Variants in DNAH14 observed in about 807,000 individuals in gnomAD.
The protein encoded by DNAH14 is axonemal beta dynein heavy chain 14.
In DNAH14, 478 loss-of-function variants were observed where a neutral mutation model predicts 520.9. The ratio of observed to expected loss-of-function variants is 0.92; its 90% CI spans 0.85 to 0.99. The LOEUF is 0.99. DNAH14 is among the 50% of genes least tolerant of loss of function. DNAH14 has a pLI of 0.00. For synonymous variants in DNAH14, 1,581 were observed against 1,757.2 expected, an observed-to-expected ratio of 0.90 and a Z score of 2.51; for missense variants, 4,831 against 5,234.5, an observed-to-expected ratio of 0.92 and a Z score of 2.38.
intron 50 of DNAH14, 144 bp downstream of exon 50, chr1:225,271,010 T>A (rs1034881105): frequency 1.5e-5 from 14 of 939,972 alleles, no homozygotes; most frequent in African/African-American, 1.3e-4. Flanking sequence ...TGGCCTATTA[T>A]AATTTGGTTC....
chr1:225,019,167 A>G lies in DNAH14; in HGVS notation c.1108-4448A>G, dbSNP rs76863955. On this transcript the variant is annotated intron_variant, in intron 10 of 85. Transcript: ENST00000682510. ...CAAGACCCAACTGTCTGCTGTCTCT[A>G]AGAGACCCATCTCACAAGTAACAAC... 1.9e-3 allele frequency among the ~76,000 whole-genome samples: 297 copies of G among 152,314 alleles called. 2 individuals carry two copies. Among genetic ancestry groups the G allele is most frequent in the Admixed American group, 0.017 (260 of 15,302 alleles).
chr1:225,172,239 CAT>C (rs2082772977), intron 36 of DNAH14, among the ~76,000 whole-genome samples: 4 of 152,132 alleles, frequency 2.6e-5, no homozygotes. Context: ...TCCTATTCAA[CAT>C]AGTGTTGGCA....
rs1341853707 is a variant in DNAH14, at chr1:225,290,663, A to G, written c.8469+581A>G. ...TGTGTGTGTGTATATATATATATAT[A>G]TATATATATATATATATATATATAT... On this transcript the variant is annotated intron_variant, in intron 55 of 85. Coordinates refer to ENST00000682510, the MANE Select transcript of DNAH14 (RefSeq NM_001367479.1). 3.9e-3 allele frequency among the ~76,000 whole-genome samples: 422 copies of G among 107,084 alleles called. 19 individuals carry two copies. The highest frequency in any genetic ancestry group is 0.019 in the African/African-American group (395 of 21,340). 70.3% of individuals were successfully genotyped at this position (107,084 alleles called of 152,430 possible). A position where few individuals can be genotyped will look rare whatever the true frequency, so the allele number is the denominator to read the frequency against.
rs151011944 is a variant in DNAH14, at chr1:225,371,157, T to C, written c.12318+3125T>C. Among the ~76,000 whole-genome samples the C allele has an allele frequency of 2.1e-3, 327 of 152,308 alleles. 1 individual carries two copies. The highest frequency in any genetic ancestry group is 7.3e-3 in the African/African-American group (305 of 41,580). On this transcript the variant is annotated intron_variant, in intron 77 of 85. Coordinates refer to ENST00000682510, the MANE Select transcript of DNAH14 (RefSeq NM_001367479.1). The stretch of plus-strand genomic sequence containing the variant: ...CATAGTTTTAATATGAATACCTGAA[T>C]AATATACATAAGAACTGTAGATTAA...
chr1:225,042,580 G>A (rs912196910), intron 12 of DNAH14, among the ~76,000 whole-genome samples: 1 of 152,126 alleles, frequency 6.6e-6, no homozygotes, highest in South Asian at 2.1e-4. Context: ...TAGGCACTCA[G>A]TGACTAGGAC....
At chr1:225,108,633 A>G (rs2076270353) in intron 23 of DNAH14, among the ~76,000 whole-genome samples, 1 of 152,180 alleles carries the variant, frequency 6.6e-6, no homozygotes, top group South Asian at 2.1e-4. Context: ...TCAGATGGAT[A>G]GTTTAAAAGT....
intron 1 of DNAH14, among the ~76,000 whole-genome samples, chr1:224,945,777 T>A (rs2059773136): frequency 6.6e-6 from 1 of 152,298 alleles, no homozygotes; most frequent in African/African-American, 2.4e-5. Flanking sequence ...TTTGCCTGGG[T>A]ATCAGCAGCA....
At chr1:225,322,871 G>T in intron 62 of DNAH14, 48 bp downstream of exon 62, 1 of 1,443,628 alleles carries the variant, frequency 6.9e-7, no homozygotes, top group Non-Finnish European at 9.3e-7. Context: ...ACAGTCTGTG[G>T]GATCAAACAG....
At chr1:225,043,816 C>A (rs137952679) in intron 14 of DNAH14, 27 bp downstream of exon 14, 1 of 1,457,278 alleles carries the variant, frequency 6.9e-7, no homozygotes, top group African/African-American at 1.4e-5. Flanking sequence ...TTAAAAATTA[C>A]GAGTAATTGT....
intron 23 of DNAH14, among the ~76,000 whole-genome samples, chr1:225,114,063 A>C (rs1001602696): frequency 3.9e-5 from 6 of 152,196 alleles, no homozygotes; most frequent in African/African-American, 7.2e-5. Flanking sequence ...GTCTTCCCTC[A>C]TAGCCAAAAC....
At chr1:225,211,135 A>G (rs1318438611) in intron 41 of DNAH14, among the ~76,000 whole-genome samples, 1 of 152,202 alleles carries the variant, frequency 6.6e-6, no homozygotes, top group Non-Finnish European at 1.5e-5. Context: ...GAAGGCAACA[A>G]AACTGAATGG....
intron 21 of DNAH14, among the ~76,000 whole-genome samples, chr1:225,096,751 A>G (rs1251840592): frequency 6.6e-6 from 1 of 152,216 alleles, no homozygotes; most frequent in East Asian, 1.9e-4. Context: ...ATGCTTAAAG[A>G]AAGGACTGAA....
chr1:225,198,017 A>G (rs2149381982), intron 38 of DNAH14, among the ~76,000 whole-genome samples: 1 of 152,024 alleles, frequency 6.6e-6, no homozygotes, highest in East Asian at 1.9e-4. Flanking sequence ...ATTGATTTGG[A>G]TGCCTTTTAT....
chr1:225,366,412 C>G (rs1316418466), intron 76 of DNAH14, among the ~76,000 whole-genome samples: 1 of 152,206 alleles, frequency 6.6e-6, no homozygotes, highest in East Asian at 1.9e-4. Flanking sequence ...TCTCTTCTCT[C>G]TCTCTCTGCC....
chr1:225,063,020 G>A (rs182058559), intron 17 of DNAH14, among the ~76,000 whole-genome samples: 7 of 152,100 alleles, frequency 4.6e-5, no homozygotes, highest in Admixed American at 2.6e-4. Flanking sequence ...AATGGAAACA[G>A]AAATGACGAG....
chr1:225,298,310 T>C (rs768700610), intron 55 of DNAH14, among the ~76,000 whole-genome samples: 5 of 151,988 alleles, frequency 3.3e-5, no homozygotes, highest in Non-Finnish European at 7.4e-5. Context: ...ATTTCTCAGG[T>C]CCTGGGCATG....
At chr1:224,961,533 A>G (rs2125562600) in intron 4 of DNAH14, among the ~76,000 whole-genome samples, 2 of 152,266 alleles carry the variant, frequency 1.3e-5, no homozygotes, top group Middle Eastern at 3.4e-3. Context: ...CACCTTCTTC[A>G]CAGTATGGCA....
chr1:225,241,082 G>A lies in DNAH14; in HGVS notation c.6748+260G>A, dbSNP rs74672685. 5.0e-3 allele frequency among the ~76,000 whole-genome samples: 758 copies of A among 152,220 alleles called. 6 individuals are homozygous for A. The highest frequency in any genetic ancestry group is 0.017 in the African/African-American group (715 of 41,532). The stretch of plus-strand genomic sequence containing the variant: ...ATAAAACTATCAATTCAGTTACTCT[G>A]AGCTCATCTGCTGTGTTTCTGGATC... On this transcript the variant is annotated intron_variant, in intron 43 of 85. Transcript: ENST00000682510.
In DNAH14 at chr1:225,380,219, G is replaced by A. The variant is rs1158937066; in HGVS notation, c.12777G>A (p.Leu4259=). The part of the protein sequence containing the change: ...MEILSDLLKR[L]PLTVEKEEIA... ...TTCTATCCGACTTGCTAAAGCGGCT[G>A]CCACTGACAGTGGAGAAAGAAGAAA... Residue 4259 remains leucine, a synonymous_variant, in exon 80 of 86, where the codon CTG becomes CTA. Coordinates refer to ENST00000682510, the MANE Select transcript of DNAH14 (RefSeq NM_001367479.1). 2.6e-6 allele frequency: 4 copies of A among 1,551,626 alleles called. No homozygotes were observed. Among genetic ancestry groups the A allele is most frequent in the African/African-American group, 2.7e-5 (2 of 73,138 alleles).
Sources: allele counts gnomAD v4.1 joint callset (sites outside exome capture counted in the v4.1 genomes callset), GRCh38; gene constraint gnomAD v4.1.1; transcripts MANE v1.5; gene names NCBI Gene and HGNC (gene_info 2026-07-23, HGNC 2026-07-21).